PDE4D: variants seen among roughly 807,000 people sequenced by gnomAD.
PDE4D encodes 3',5'-cyclic-AMP phosphodiesterase 4D.
PDE4D carries 24 observed loss-of-function variants against 87.4 expected under a neutral mutation model. The observed-to-expected ratio is 0.27, with a 90% CI of 0.20 to 0.39. PDE4D has a LOEUF of 0.39. PDE4D is among the 10% of genes least tolerant of loss of function. PDE4D has a pLI of 1.00. For missense variants in PDE4D, 714 were observed against 1,041.0 expected (o/e 0.69, Z 4.32); for synonymous variants, 384 against 383.2 (o/e 1.00, Z -0.02).
chr5:59,572,030 C>T (rs1821935352), intron 1 of PDE4D, among the ~76,000 whole-genome samples: 1 of 152,118 alleles, frequency 6.6e-6, no homozygotes, highest in Admixed American at 6.5e-5. Context: ...TGAATTTGTG[C>T]TTGAAACATT....
chr5:60,421,363 T>C (rs1391523739), intron 1 of PDE4D, among the ~76,000 whole-genome samples: 1 of 152,210 alleles, frequency 6.6e-6, no homozygotes, highest in Non-Finnish European at 1.5e-5. Context: ...CAATATTTGC[T>C]GTTCTGCAGC....
At chr5:59,165,061 T>C (rs1310234271) in intron 5 of PDE4D, 1 of 152,040 alleles carries the variant, frequency 6.6e-6, no homozygotes, top group Non-Finnish European at 1.5e-5. Context: ...CTAAAAAAAA[T>C]GAGTATCATA....
At chr5:59,821,277 A>C (rs965968074) in intron 1 of PDE4D, among the ~76,000 whole-genome samples, 1 of 145,014 alleles carries the variant, frequency 6.9e-6, no homozygotes, top group South Asian at 2.2e-4. Flanking sequence ...ACAACAACAA[A>C]AGAAAAAGAA....
intron 7 of PDE4D, 66 bp downstream of exon 7, chr5:58,993,306 C>T (rs1052248885): frequency 3.4e-6 from 3 of 884,856 alleles, no homozygotes; most frequent in African/African-American, 3.5e-5. Flanking sequence ...GCACCCCAAT[C>T]CTCCTACAAA....
intron 1 of PDE4D, among the ~76,000 whole-genome samples, chr5:60,316,276 GCTCT>G (rs1028437540): frequency 2.1e-4 from 32 of 152,100 alleles, no homozygotes; most frequent in African/African-American, 7.5e-4. Context: ...TCATGATTTG[GCTCT>G]CTGTTTGTCT....
At chr5:59,394,899 C>T (rs548237090) in intron 1 of PDE4D, among the ~76,000 whole-genome samples, 80 of 152,172 alleles carry the variant, frequency 5.3e-4, no homozygotes, top group Non-Finnish European at 9.7e-4. Flanking sequence ...CGAAGCAGGG[C>T]GAGGCATTGC....
chr5:60,372,006 G>C (rs1310531240), intron 1 of PDE4D, among the ~76,000 whole-genome samples: 1 of 152,094 alleles, frequency 6.6e-6, no homozygotes, highest in Non-Finnish European at 1.5e-5. Flanking sequence ...TAGGCTATAG[G>C]ATATTACATA....
chr5:59,024,446 C>G (rs1468264975), intron 6 of PDE4D, among the ~76,000 whole-genome samples: 3 of 151,324 alleles, frequency 2.0e-5, no homozygotes, highest in Non-Finnish European at 4.4e-5. Flanking sequence ...ATCTGCTCTC[C>G]TCTGCCTCCC....
At chr5:59,053,930 T>C (rs115531168) in intron 5 of PDE4D, among the ~76,000 whole-genome samples, 56 of 152,130 alleles carry the variant, frequency 3.7e-4, no homozygotes, top group African/African-American at 1.3e-3. Flanking sequence ...GAAAAAAATT[T>C]TTTTCCATTT....
At chr5:59,337,351 T>A (rs867891778) in intron 1 of PDE4D, among the ~76,000 whole-genome samples, 2 of 144,446 alleles carry the variant, frequency 1.4e-5, no homozygotes, top group Admixed American at 6.8e-5. Flanking sequence ...TTTTTTTTTT[T>A]GACACGGAGT....
In PDE4D at chr5:58,975,021, G is replaced by A; in HGVS notation, c.2073C>T (p.His691=). 1 of 1,603,654 alleles carries A rather than the reference G, an allele frequency of 6.2e-7. No homozygotes were observed. Residue 691 remains histidine (H), a synonymous_variant, in exon 15 of 15, where the codon CAC becomes CAT. Transcript: ENST00000340635. The surrounding 1 kb of genome is among the most constrained non-coding windows in gnomAD (Gnocchi z 4.2). ...TGTCCAAAATATCCTGGGCGTCAGG[G>A]TGGACGAGGTCTGCCCATGTCTCCC... ...PLWETWADLV[H]PDAQDILDTL...
intron 5 of PDE4D, among the ~76,000 whole-genome samples, chr5:59,173,490 C>G (rs950887121): frequency 6.6e-6 from 1 of 152,140 alleles, no homozygotes; most frequent in East Asian, 1.9e-4. Flanking sequence ...CCGGAAGATT[C>G]TTTTTCAATG....
intron 1 of PDE4D, among the ~76,000 whole-genome samples, chr5:60,260,710 C>A (rs1296873049): frequency 6.6e-6 from 1 of 152,074 alleles, no homozygotes; most frequent in Non-Finnish European, 1.5e-5. Flanking sequence ...TAAAGTTGAT[C>A]ATCCCTATGG....
chr5:59,273,645 G>C (rs1202371517), intron 1 of PDE4D, among the ~76,000 whole-genome samples: 1 of 151,972 alleles, frequency 6.6e-6, no homozygotes, highest in African/African-American at 2.4e-5. Context: ...TATATAGAGA[G>C]AGATTTATTT....
chr5:60,260,392 T>C (rs1749526929), intron 1 of PDE4D, among the ~76,000 whole-genome samples: 1 of 152,024 alleles, frequency 6.6e-6, no homozygotes, highest in Non-Finnish European at 1.5e-5. Flanking sequence ...CTTTTTATTT[T>C]TTAAAAAAAT....
At chr5:59,425,934 A>G (rs1450238294) in intron 1 of PDE4D, among the ~76,000 whole-genome samples, 1 of 152,234 alleles carries the variant, frequency 6.6e-6, no homozygotes, top group Admixed American at 6.5e-5. Flanking sequence ...CCTAAATACC[A>G]GTATCTCAGA....
intron 1 of PDE4D, among the ~76,000 whole-genome samples, chr5:59,414,395 G>T (rs952863778): frequency 2.6e-5 from 4 of 152,216 alleles, no homozygotes; most frequent in Admixed American, 6.5e-5. Context: ...CATGGAAGAG[G>T]GAGGGACTGG....
At chr5:59,885,598 C>T (rs1750028029) in intron 1 of PDE4D, among the ~76,000 whole-genome samples, 1 of 152,096 alleles carries the variant, frequency 6.6e-6, no homozygotes, top group Admixed American at 6.5e-5. Context: ...GAAATGTGTG[C>T]CTACCTCCAA....
chr5:60,319,512 G>A (rs745879464), intron 1 of PDE4D, among the ~76,000 whole-genome samples: 21 of 152,176 alleles, frequency 1.4e-4, no homozygotes, highest in South Asian at 2.1e-4. Context: ...ATCCAGCTTT[G>A]TTCCGTTGCT....
Sources: allele counts gnomAD v4.1 joint callset (sites outside exome capture counted in the v4.1 genomes callset), GRCh38; gene constraint gnomAD v4.1.1; non-coding constraint Gnocchi (gnomAD v3.1); transcripts MANE v1.5; gene names NCBI Gene and HGNC (gene_info 2026-07-23, HGNC 2026-07-21).